The following SLC13A4 variants were observed in gnomAD, a reference collection of about 807,000 sequenced individuals.
The protein encoded by SLC13A4 is Na(+)/sulfate cotransporter SUT-1.
SLC13A4 carries 28 observed loss-of-function variants against 72.7 expected under a neutral mutation model. The observed-to-expected ratio is 0.39, with a 90% CI of 0.29 to 0.53. The LOEUF is 0.53. Among genes scored for constraint, SLC13A4 ranks in the 20% least tolerant of loss-of-function variants. The probability of loss-of-function intolerance (pLI) is 0.78; values close to 1 mark genes in which losing one functional copy is unlikely to be tolerated. For synonymous variants in SLC13A4, 312 were observed against 325.5 expected, an observed-to-expected ratio of 0.96 and a Z score of 0.45; for missense variants, 653 against 788.0, an observed-to-expected ratio of 0.83 and a Z score of 2.05.
At chr7:135,693,758 C>T (rs934023336) in intron 10 of SLC13A4, among the ~76,000 whole-genome samples, 5 of 152,180 alleles carry the variant, frequency 3.3e-5, no homozygotes, top group Admixed American at 6.5e-5. Flanking sequence ...CTCCCATCTC[C>T]CTGGGAGTGA....
At chr7:135,714,878 G>GGAGCTGGAAGCTGAGTGACACCAGCCC (rs1796378903) in intron 2 of SLC13A4, among the ~76,000 whole-genome samples, 1 of 152,248 alleles carries the variant, frequency 6.6e-6, no homozygotes, top group African/African-American at 2.4e-5. Flanking sequence ...TGCCCCTGCG[G>GGAGCTGGAAGCTGAGTGACACCAGCCC]GAGCTGGAAG....
At chr7:135,714,147 A>G (rs1290755718) in intron 2 of SLC13A4, among the ~76,000 whole-genome samples, 1 of 152,174 alleles carries the variant, frequency 6.6e-6, no homozygotes, top group Non-Finnish European at 1.5e-5. Flanking sequence ...TGTTTTATAT[A>G]TTGAGTCTTC....
chr7:135,699,228 C>T (rs1431217962), intron 8 of SLC13A4, 136 bp downstream of exon 8: 8 of 901,634 alleles, frequency 8.9e-6, no homozygotes, highest in Admixed American at 3.4e-5. Context: ...ATATGAGCCA[C>T]TGTGCTCAGC....
intron 8 of SLC13A4, among the ~76,000 whole-genome samples, chr7:135,697,928 G>A (rs1795940161): frequency 6.6e-6 from 1 of 152,146 alleles, no homozygotes; most frequent in African/African-American, 2.4e-5. Context: ...CTGCAAATGG[G>A]CGAGCTCTCC....
Position 135,681,513 on chromosome 7 carries a change from C to T in SLC13A4, c.*50G>A, listed in dbSNP as rs1795500320. On this transcript the variant is annotated 3_prime_UTR_variant, in exon 16 of 16. Coordinates refer to ENST00000682651, the MANE Select transcript of SLC13A4 (RefSeq NM_001318192.2). ...GTTTTCTTTGCCTGTGGTCCAGATACTGCTGGATACTGGCAGCTCCTGTGG... is the reference window on the plus strand; with the variant it reads ...GTTTTCTTTGCCTGTGGTCCAGATATTGCTGGATACTGGCAGCTCCTGTGG... The T allele has an allele frequency of 6.3e-7, 1 of 1,590,050 alleles. No homozygotes were observed. The highest frequency in any genetic ancestry group is 2.2e-5 in the East Asian group (1 of 44,638).
At chr7:135,713,808 C>T (rs1428596009) in intron 2 of SLC13A4, among the ~76,000 whole-genome samples, 1 of 152,222 alleles carries the variant, frequency 6.6e-6, no homozygotes, top group South Asian at 2.1e-4. Context: ...AACGCCTGAC[C>T]TTGTGATCCT....
intron 2 of SLC13A4, 116 bp from the exon 3 acceptor site, chr7:135,708,366 G>T: frequency 7.2e-7 from 1 of 1,391,918 alleles, no homozygotes. Flanking sequence ...AGAGGCTGGC[G>T]AAGGGGAGGC....
chr7:135,694,074 G>A (rs1232023669), intron 10 of SLC13A4, 63 bp downstream of exon 10: 2 of 980,056 alleles, frequency 2.0e-6, no homozygotes, highest in East Asian at 4.8e-5. Flanking sequence ...GGCTGCTCCT[G>A]TGCTCACTTT....
intron 8 of SLC13A4, among the ~76,000 whole-genome samples, chr7:135,696,951 G>A (rs956610533): frequency 6.6e-6 from 1 of 152,192 alleles, no homozygotes; most frequent in African/African-American, 2.4e-5. Context: ...CCTCTCTGCT[G>A]TCTGATATTG....
chr7:135,717,544 A>G (rs1332796560), intron 2 of SLC13A4, among the ~76,000 whole-genome samples: 2 of 152,178 alleles, frequency 1.3e-5, no homozygotes, highest in Non-Finnish European at 2.9e-5. Context: ...CTCTACTAAA[A>G]TAGAAACTTC....
In SLC13A4 at chr7:135,711,574, C is replaced by T. The variant is rs555846757; in HGVS notation, c.229-3324G>A. Among the ~76,000 whole-genome samples the T allele has an allele frequency of 2.0e-3, 299 of 152,284 alleles. 1 individual carries two copies. The highest frequency in any genetic ancestry group is 5.8e-3 in the African/African-American group (243 of 41,552). ...AGGAAACTGGGGGTTTAGGGAGCATCTCCCAGGTCACAGTGTAAGGGCAGA... is the reference window on the plus strand; with the variant it reads ...AGGAAACTGGGGGTTTAGGGAGCATTTCCCAGGTCACAGTGTAAGGGCAGA... On this transcript the variant is annotated intron_variant, in intron 2 of 15. Coordinates refer to ENST00000682651, the MANE Select transcript of SLC13A4 (RefSeq NM_001318192.2).
At chr7:135,722,623 GAATA>G (rs570792645) in intron 1 of SLC13A4, among the ~76,000 whole-genome samples, 97 of 151,544 alleles carry the variant, frequency 6.4e-4, no homozygotes, top group African/African-American at 1.5e-3. Flanking sequence ...CTTTAAAAAT[GAATA>G]AACAAAGTTA....
At chr7:135,708,360 G>T (rs1207135004) in intron 2 of SLC13A4, 110 bp from the exon 3 acceptor site, 4 of 1,442,064 alleles carry the variant, frequency 2.8e-6, no homozygotes, top group Non-Finnish European at 2.8e-6. Context: ...AATCAAAGAG[G>T]CTGGCGAAGG....
chr7:135,715,430 C>T (rs1415713145), intron 2 of SLC13A4, among the ~76,000 whole-genome samples: 1 of 145,946 alleles, frequency 6.9e-6, no homozygotes, highest in Admixed American at 6.8e-5. Context: ...AGTGTGTGAG[C>T]GTGTGTATGA....
intron 7 of SLC13A4, among the ~76,000 whole-genome samples, chr7:135,701,286 C>T (rs574001733): frequency 1.4e-4 from 22 of 152,176 alleles, no homozygotes; most frequent in South Asian, 4.1e-4. Flanking sequence ...AACATTCATT[C>T]GACTTCTGCA....
chr7:135,681,845 A>G, intron 15 of SLC13A4, 145 bp from the exon 16 acceptor site: 1 of 1,047,614 alleles, frequency 9.5e-7, no homozygotes, highest in Non-Finnish European at 1.3e-6. Context: ...ATTGCCTTGT[A>G]GGGTGCACAG....
intron 8 of SLC13A4, 140 bp from the exon 9 acceptor site, chr7:135,695,627 C>T: frequency 1.1e-6 from 1 of 947,258 alleles, no homozygotes; most frequent in Non-Finnish European, 1.5e-6. Context: ...AAAACGTTGC[C>T]TAGGACTCAT....
chr7:135,715,315 GTA>G lies in SLC13A4; in HGVS notation c.228+6078_228+6079del, dbSNP rs1491431298. Among the ~76,000 whole-genome samples, 34 of 123,630 alleles carry G rather than the reference GTA, an allele frequency of 2.8e-4. No individual in the cohort carries two copies. In the South Asian group the frequency reaches 4.8e-3, roughly 17 times the overall value. The allele number at this position is 123,630 out of a possible 152,430, so 81.1% of individuals were successfully genotyped here. A position where few individuals can be genotyped will look rare whatever the true frequency, so the allele number is the denominator to read the frequency against. On this transcript the variant is annotated intron_variant, in intron 2 of 15. Coordinates refer to ENST00000682651, the MANE Select transcript of SLC13A4 (RefSeq NM_001318192.2). ...TGAGTGTACGTATATCTAAGCATGT[GTA>G]TGTGTGTGAGTAAGTGTATGTATAT...
In SLC13A4 at chr7:135,684,145, C is replaced by G. The variant is rs930688279; in HGVS notation, c.1725G>C (p.Gly575=). Residue 575 remains glycine (G), a synonymous_variant, in exon 15 of 16, where the codon GGG becomes GGC. Coordinates refer to ENST00000682651, the MANE Select transcript of SLC13A4 (RefSeq NM_001318192.2). Reference sequence around the variant, plus strand: ...TCACCATATCTTTGATCTGGCAGTGCCCATAGCTGAAGACGATGGCATTAG... The same window carrying G: ...TCACCATATCTTTGATCTGGCAGTGGCCATAGCTGAAGACGATGGCATTAG... ...NPPNAIVFSY[G]HCQIKDMVKA... The G allele has an allele frequency of 6.2e-7, 1 of 1,610,726 alleles. No individual in the cohort carries two copies. Among genetic ancestry groups the G allele is most frequent in the African/African-American group, 1.3e-5 (1 of 74,884 alleles).
Sources: allele counts gnomAD v4.1 joint callset (sites outside exome capture counted in the v4.1 genomes callset), GRCh38; gene constraint gnomAD v4.1.1; transcripts MANE v1.5; gene names NCBI Gene and HGNC (gene_info 2026-07-23, HGNC 2026-07-21).